The following IDE variants were observed in gnomAD, a reference collection of about 807,000 sequenced individuals.
The protein encoded by IDE is insulin-degrading enzyme.
Under a neutral mutation model 133.2 loss-of-function variants are expected in IDE, and 58 were observed. The ratio of observed to expected loss-of-function variants is 0.44; its 90% confidence interval spans 0.35 to 0.54. The LOEUF is 0.54. IDE is among the 20% of genes least tolerant of loss of function. The pLI is 0.00. For missense variants in IDE, 981 were observed against 1,234.0 expected (o/e 0.79, Z 3.07); for synonymous variants, 396 against 421.3 (o/e 0.94, Z 0.73).
chr10:92,529,940 T>C (rs1187273188), intron 4 of IDE, among the ~76,000 whole-genome samples: 1 of 152,124 alleles, frequency 6.6e-6, no homozygotes, highest in Non-Finnish European at 1.5e-5. Context: ...CTACTTTAAA[T>C]AATCGCCAGG....
intron 11 of IDE, among the ~76,000 whole-genome samples, chr10:92,501,362 TAAAAAAA>T (rs55861862): frequency 1.0e-4 from 2 of 19,216 alleles, no homozygotes; most frequent in African/African-American, 5.1e-4. Flanking sequence ...ACTCTGTCAT[TAAAAAAA>T]AAAAAAAAAA....
At chr10:92,572,814 T>C (rs1288215457) in intron 1 of IDE, 1 of 895,002 alleles carries the variant, frequency 1.1e-6, no homozygotes, top group Non-Finnish European at 1.3e-6. Context: ...CAGCCCTCAC[T>C]CCAACCTTTC....
At chr10:92,548,359 C>CAAAAAAAA (rs56347361) in intron 1 of IDE, among the ~76,000 whole-genome samples, 3 of 39,718 alleles carry the variant, frequency 7.6e-5, no homozygotes, top group African/African-American at 1.2e-4. Context: ...AACTCCATCT[C>CAAAAAAAA]AAAAAAAAAA....
At chr10:92,472,907 G>C (rs919272229) in intron 17 of IDE, among the ~76,000 whole-genome samples, 4 of 148,426 alleles carry the variant, frequency 2.7e-5, no homozygotes, top group South Asian at 2.1e-4. Context: ...AAGTTGCTGA[G>C]ATTACAGGCG....
At chr10:92,531,983 A>C in intron 3 of IDE, 66 bp from the exon 4 acceptor site, 1 of 1,176,176 alleles carries the variant, frequency 8.5e-7, no homozygotes, top group Non-Finnish European at 1.1e-6. Flanking sequence ...TTTTAGAAAG[A>C]TTTTTGGAAC....
intron 14 of IDE, chr10:92,479,773 G>A (rs1486162163): frequency 1.1e-5 from 2 of 177,012 alleles, no homozygotes; most frequent in Admixed American, 6.0e-5. Context: ...GCTGTGCTTA[G>A]GCTAATGGGA....
chr10:92,490,428 T>C lies in IDE; in HGVS notation c.1533+65A>G, dbSNP rs752346595. The C allele has an allele frequency of 3.1e-4, 311 of 989,468 alleles. 2 individuals carry two copies. Among genetic ancestry groups the C allele is most frequent in the Non-Finnish European group, 4.5e-4 (281 of 618,294 alleles). The allele number at this position is 989,468 out of a possible 1,614,324, so 61.3% of individuals were successfully genotyped here. Reference sequence around the variant, plus strand: ...ACACTCTGGGGCCTTAGTTGGTGGATCTAGGGAGCAATGTTCTTGTGATTC... The same window carrying C: ...ACACTCTGGGGCCTTAGTTGGTGGACCTAGGGAGCAATGTTCTTGTGATTC... On this transcript the variant is annotated intron_variant, in intron 12 of 24. Transcript: ENST00000265986.
chr10:92,536,361 C>T (rs373902135), intron 2 of IDE, among the ~76,000 whole-genome samples: 13 of 136,462 alleles, frequency 9.5e-5, no homozygotes, highest in South Asian at 2.3e-4. Flanking sequence ...CCAGCCCGGA[C>T]GACAACAGTG....
chr10:92,523,060 T>C (rs981894476), intron 4 of IDE, among the ~76,000 whole-genome samples: 1 of 152,152 alleles, frequency 6.6e-6, no homozygotes, highest in African/African-American at 2.4e-5. Flanking sequence ...AAAAAATTAC[T>C]TATTAACTGA....
intron 4 of IDE, among the ~76,000 whole-genome samples, chr10:92,525,645 T>C (rs7894448): frequency 0.85 from 128,673 of 151,856 alleles, 54,764 homozygotes; most frequent in African/African-American, 0.93. Context: ...GAAGACTCTA[T>C]CAAAAACACC....
intron 4 of IDE, among the ~76,000 whole-genome samples, chr10:92,521,719 A>T (rs1477499429): frequency 6.6e-6 from 1 of 152,012 alleles, no homozygotes; most frequent in African/African-American, 2.4e-5. Flanking sequence ...AATGAAAGAC[A>T]TATCAAACAA....
At chr10:92,494,361 C>A (rs1480493589) in intron 11 of IDE, among the ~76,000 whole-genome samples, 2 of 151,222 alleles carry the variant, frequency 1.3e-5, no homozygotes, top group Non-Finnish European at 2.9e-5. Context: ...AGCTACCATG[C>A]CCAGCCCAGT....
At chr10:92,560,588 G>A (rs951684224) in intron 1 of IDE, among the ~76,000 whole-genome samples, 11 of 151,972 alleles carry the variant, frequency 7.2e-5, no homozygotes, top group Non-Finnish European at 1.0e-4. Flanking sequence ...TTCAAGACGA[G>A]CCTGTTCAAC....
intron 21 of IDE, among the ~76,000 whole-genome samples, chr10:92,462,418 C>T (rs1028319852): frequency 6.7e-6 from 1 of 149,928 alleles, no homozygotes; most frequent in Admixed American, 6.7e-5. Context: ...GTTGGGAGTT[C>T]GAGACCACCC....
chr10:92,491,057 G>T (rs1422241429), intron 11 of IDE, among the ~76,000 whole-genome samples: 1 of 151,896 alleles, frequency 6.6e-6, no homozygotes, highest in South Asian at 2.1e-4. Context: ...GGGCAAAATA[G>T]TGGGACCCGT....
chr10:92,561,763 A>C lies in IDE; in HGVS notation c.98+12159T>G, dbSNP rs971866193. Reference sequence around the variant, plus strand: ...GGTGACAGAGCGAGACTCCGTCACCAAAAAAAAATAAAATAAAATAAGATG... The same window carrying C: ...GGTGACAGAGCGAGACTCCGTCACCCAAAAAAAATAAAATAAAATAAGATG... On this transcript the variant is annotated intron_variant, in intron 1 of 24. Transcript: ENST00000265986. Among the ~76,000 whole-genome samples the C allele has an allele frequency of 4.0e-5, 6 of 150,666 alleles. No individual in the cohort carries two copies. The East Asian group carries it at 7.8e-4, about 20-fold the overall frequency.
At position 92,508,861 on chromosome 10, in the gene IDE, A is replaced by G. The variant is rs1229317932; in HGVS notation, c.927T>C (p.Asp309=). ...KQLYKIVPIK[D]IRNLYVTFPI... is the part of the protein sequence containing the mutation. ...GAAATGTCACATAGAGATTCCTAATATCTTTAATGGGTACTATTTTGTAAA... is the reference window on the plus strand; with the variant it reads ...GAAATGTCACATAGAGATTCCTAATGTCTTTAATGGGTACTATTTTGTAAA... The change falls in exon 7 of 25, where the codon GAT becomes GAC. Residue 309 remains aspartate, a synonymous_variant. Coordinates refer to ENST00000265986, the MANE Select transcript of IDE (RefSeq NM_004969.4). The G allele has an allele frequency of 6.2e-7, 1 of 1,612,802 alleles. No individual in the cohort carries two copies. Among genetic ancestry groups the G allele is most frequent in the East Asian group, 2.2e-5 (1 of 44,876 alleles).
chr10:92,504,714 T>C (rs1848200601), intron 11 of IDE, 80 bp downstream of exon 11: 1 of 753,194 alleles, frequency 1.3e-6, no homozygotes, highest in Non-Finnish European at 2.3e-6. Flanking sequence ...AAGCATTTTA[T>C]TCACAATTTC....
At chr10:92,532,112 G>A (rs1380171050) in intron 3 of IDE, among the ~76,000 whole-genome samples, 195 bp from the exon 4 acceptor site, 2 of 151,928 alleles carry the variant, frequency 1.3e-5, no homozygotes, top group Non-Finnish European at 2.9e-5. Context: ...GTTGAACAGA[G>A]GTAAATGCAG....
Sources: allele counts gnomAD v4.1 joint callset (sites outside exome capture counted in the v4.1 genomes callset), GRCh38; gene constraint gnomAD v4.1.1; transcripts MANE v1.5; gene names NCBI Gene and HGNC (gene_info 2026-07-23, HGNC 2026-07-21).